Variants in RANBP3L observed in about 807,000 individuals in gnomAD.
RANBP3L encodes ran-binding protein 3-like.
In RANBP3L, 56 loss-of-function variants were observed where a neutral mutation model predicts 67.2. The ratio of observed to expected loss-of-function variants is 0.83; its 90% CI spans 0.67 to 1.04. The LOEUF (loss-of-function observed/expected upper bound fraction) is 1.04, where lower values mean the gene tolerates loss of function less well. Among genes scored for constraint, RANBP3L ranks in the 50% least tolerant of loss-of-function variants. The probability of loss-of-function intolerance (pLI) is 0.00; values close to 1 mark genes in which losing one functional copy is unlikely to be tolerated. For synonymous variants in RANBP3L, 164 were observed against 181.4 expected (o/e 0.90, Z 0.77); for missense variants, 496 against 535.5 (o/e 0.93, Z 0.73).
At chr5:36,274,231 T>C (rs1750419434) in intron 1 of RANBP3L, among the ~76,000 whole-genome samples, 1 of 152,132 alleles carries the variant, frequency 6.6e-6, no homozygotes, top group Non-Finnish European at 1.5e-5. Context: ...AGAAAACAGA[T>C]GTAGTCCCTG....
At chr5:36,273,861 G>A (rs923750003) in intron 1 of RANBP3L, among the ~76,000 whole-genome samples, 15 of 152,120 alleles carry the variant, frequency 9.9e-5, no homozygotes, top group African/African-American at 3.6e-4. Context: ...TTAGCCTAAA[G>A]CTACCTTCTT....
chr5:36,274,782 G>T (rs1011943072), intron 1 of RANBP3L, among the ~76,000 whole-genome samples: 1 of 152,084 alleles, frequency 6.6e-6, no homozygotes, highest in South Asian at 2.1e-4. Context: ...GGGGGAAGGG[G>T]CTAAGGGAGA....
chr5:36,283,575 T>A (rs980522964), intron 1 of RANBP3L, among the ~76,000 whole-genome samples: 1 of 113,750 alleles, frequency 8.8e-6, no homozygotes, highest in African/African-American at 3.7e-5. Context: ...CACACACACA[T>A]CTTTATCTGC....
At chr5:36,291,437 T>A (rs1192310589) in intron 1 of RANBP3L, among the ~76,000 whole-genome samples, 2 of 152,042 alleles carry the variant, frequency 1.3e-5, no homozygotes, top group Non-Finnish European at 2.9e-5. Flanking sequence ...TTAGGGTACA[T>A]GTGCACAATG....
chr5:36,275,248 T>C (rs1750490936), intron 1 of RANBP3L, among the ~76,000 whole-genome samples: 1 of 152,210 alleles, frequency 6.6e-6, no homozygotes, highest in Non-Finnish European at 1.5e-5. Flanking sequence ...CTAAATTAAT[T>C]ATTTTAATCA....
intron 1 of RANBP3L, among the ~76,000 whole-genome samples, chr5:36,280,978 T>C (rs1750934132): frequency 6.6e-6 from 1 of 152,210 alleles, no homozygotes; most frequent in Non-Finnish European, 1.5e-5. Flanking sequence ...AGGATGCTTC[T>C]TTATGCCCTG....
At chr5:36,296,985 T>G (rs1016041663) in intron 1 of RANBP3L, among the ~76,000 whole-genome samples, 5 of 151,460 alleles carry the variant, frequency 3.3e-5, no homozygotes, top group African/African-American at 1.2e-4. Context: ...GTGAATTTCT[T>G]AAAATAAATC....
At chr5:36,251,881 T>G (rs1242237017) in intron 12 of RANBP3L, among the ~76,000 whole-genome samples, 1 of 152,128 alleles carries the variant, frequency 6.6e-6, no homozygotes, top group Non-Finnish European at 1.5e-5. Flanking sequence ...TGCTTGGACA[T>G]TCCTCCAAAC....
intron 10 of RANBP3L, among the ~76,000 whole-genome samples, chr5:36,256,541 T>C (rs552858675): frequency 6.6e-6 from 1 of 152,310 alleles, no homozygotes; most frequent in African/African-American, 2.4e-5. Context: ...AAATTTTATA[T>C]GAAATTCTAA....
chr5:36,277,440 ATGTGTGTGTGTGTGTGTGTGTGTGTG>A (rs149996886), intron 1 of RANBP3L, among the ~76,000 whole-genome samples: 1 of 114,988 alleles, frequency 8.7e-6, no homozygotes, highest in Non-Finnish European at 1.7e-5. Context: ...ATATATATAT[ATGTGTGTGTGTGTGTGTGTGTGTGTG>A]TGTGTGTGTG....
intron 1 of RANBP3L, among the ~76,000 whole-genome samples, chr5:36,294,886 T>C (rs1752087402): frequency 1.3e-5 from 2 of 148,446 alleles, no homozygotes; most frequent in Admixed American, 1.4e-4. Context: ...ATATATACAC[T>C]ATATATACAT....
chr5:36,261,620 A>G (rs1194848018), intron 7 of RANBP3L, among the ~76,000 whole-genome samples: 1 of 152,192 alleles, frequency 6.6e-6, no homozygotes, highest in Non-Finnish European at 1.5e-5. Context: ...AAAAAATGCT[A>G]GAGAGAGAGG....
chr5:36,271,360 T>A (rs952470363), intron 1 of RANBP3L, 49 bp from the exon 2 acceptor site: 3 of 1,153,116 alleles, frequency 2.6e-6, no homozygotes, highest in Non-Finnish European at 3.8e-6. Context: ...ACTCTGACAT[T>A]TCTTACATCA....
chr5:36,301,128 G>A (rs1752580284), intron 1 of RANBP3L, among the ~76,000 whole-genome samples, 198 bp downstream of exon 1: 2 of 152,180 alleles, frequency 1.3e-5, no homozygotes, highest in African/African-American at 4.8e-5. Context: ...GTTTCAGAAT[G>A]ACAGCTCCAA....
intron 1 of RANBP3L, among the ~76,000 whole-genome samples, chr5:36,272,575 T>G (rs1750296871): frequency 6.6e-6 from 1 of 152,166 alleles, no homozygotes; most frequent in African/African-American, 2.4e-5. Flanking sequence ...GCCATGTGAA[T>G]TTGGATACCT....
chr5:36,270,801 A>G (rs1469851017), intron 2 of RANBP3L, among the ~76,000 whole-genome samples: 1 of 152,222 alleles, frequency 6.6e-6, no homozygotes, highest in African/African-American at 2.4e-5. Context: ...CCCAGCAACT[A>G]ATCTTACTGT....
At chr5:36,292,443 G>A (rs977219933) in intron 1 of RANBP3L, among the ~76,000 whole-genome samples, 1 of 152,064 alleles carries the variant, frequency 6.6e-6, no homozygotes, top group African/African-American at 2.4e-5. Flanking sequence ...TGTTGCCATT[G>A]CTTTTGGTGT....
At chr5:36,283,385 A>G (rs1751106098) in intron 1 of RANBP3L, among the ~76,000 whole-genome samples, 1 of 127,116 alleles carries the variant, frequency 7.9e-6, no homozygotes, top group African/African-American at 2.8e-5. Context: ...TCAGTTTTCA[A>G]AATGAAAAAT....
In RANBP3L at chr5:36,264,942, A is replaced by T. The variant is rs1009287383; in HGVS notation, c.480+17T>A. The T allele has an allele frequency of 1.5e-5, 24 of 1,608,756 alleles. No individual in the cohort carries two copies. Among genetic ancestry groups the T allele is most frequent in the Non-Finnish European group, 2.0e-5 (23 of 1,178,010 alleles). ...ATGAGGGATTGAGGTCAGTTCCGTT[A>T]TCCTGGGCTTTCTCACCTTATTATT... On this transcript the variant is annotated intron_variant, in intron 6 of 13. Coordinates refer to ENST00000296604, the MANE Select transcript of RANBP3L (RefSeq NM_145000.5).
Sources: gnomAD v4.1 joint callset for allele counts (sites outside exome capture counted in the v4.1 genomes callset) on GRCh38, gnomAD v4.1.1 for gene constraint, MANE v1.5 for transcripts, NCBI Gene and HGNC (gene_info 2026-07-23, HGNC 2026-07-21) for gene names.